Variants in STK24 observed in about 807,000 individuals in gnomAD.
The protein encoded by STK24 is serine/threonine kinase 24, also known as serine/threonine-protein kinase 24.
In STK24, 21 loss-of-function variants were observed where a neutral mutation model predicts 55.6. The ratio of observed to expected loss-of-function variants is 0.38; its 90% CI spans 0.27 to 0.54. The LOEUF is 0.54. STK24 is among the 20% of genes least tolerant of loss of function. STK24 has a pLI of 0.79. For synonymous variants in STK24, 200 were observed against 215.2 expected, an observed-to-expected ratio of 0.93 and a Z score of 0.62; for missense variants, 383 against 538.4, an observed-to-expected ratio of 0.71 and a Z score of 2.86.
At chr13:98,552,157 G>A (rs905078843) in intron 1 of STK24, among the ~76,000 whole-genome samples, 6 of 152,308 alleles carry the variant, frequency 3.9e-5, no homozygotes, top group South Asian at 2.1e-4. Flanking sequence ...AATTAGTCAT[G>A]TATTGATTCT....
chr13:98,516,804 T>C (rs1896080294), intron 2 of STK24, among the ~76,000 whole-genome samples: 1 of 152,314 alleles, frequency 6.6e-6, no homozygotes, highest in Non-Finnish European at 1.5e-5. Context: ...ATTTCTAACA[T>C]GTATGAGTCG....
chr13:98,569,785 G>A (rs1196862497), intron 1 of STK24, among the ~76,000 whole-genome samples: 1 of 151,502 alleles, frequency 6.6e-6, no homozygotes, highest in East Asian at 1.9e-4. Context: ...GAGGAAAAGA[G>A]GCAAGCGGAA....
intron 5 of STK24, among the ~76,000 whole-genome samples, chr13:98,473,740 G>A (rs1332926231): frequency 2.0e-5 from 3 of 152,212 alleles, no homozygotes; most frequent in African/African-American, 2.4e-5. Context: ...CACAGCCACC[G>A]CTACCACTCA....
chr13:98,547,459 G>A (rs1365364683), intron 1 of STK24, among the ~76,000 whole-genome samples: 1 of 152,134 alleles, frequency 6.6e-6, no homozygotes, highest in African/African-American at 2.4e-5. Context: ...GTGGCGTGAG[G>A]ACTGCTTGAG....
At chr13:98,492,768 G>T (rs1226946529) in intron 2 of STK24, among the ~76,000 whole-genome samples, 1 of 152,114 alleles carries the variant, frequency 6.6e-6, no homozygotes, top group East Asian at 1.9e-4. Context: ...AACTCCACTG[G>T]ATTCTCCCAA....
intron 2 of STK24, 90 bp downstream of exon 2, chr13:98,519,153 G>C: frequency 9.7e-7 from 1 of 1,025,766 alleles, no homozygotes; most frequent in Admixed American, 1.9e-5. Context: ...GAAACCTGCT[G>C]TGCTTTGTCC....
At chr13:98,544,279 G>A (rs1896974066) in intron 1 of STK24, among the ~76,000 whole-genome samples, 1 of 152,208 alleles carries the variant, frequency 6.6e-6, no homozygotes, top group Non-Finnish European at 1.5e-5. Flanking sequence ...CTCTGAAACT[G>A]AGGTGGCAGG....
chr13:98,453,142 G>A lies in STK24; in HGVS notation c.*31C>T, dbSNP rs1390674908. 1.2e-6 allele frequency: 2 copies of A among 1,612,866 alleles called. No homozygotes were observed. The highest frequency in any genetic ancestry group is 1.7e-6 in the Non-Finnish European group (2 of 1,179,434). On this transcript the variant is annotated 3_prime_UTR_variant, in exon 11 of 11. Transcript: ENST00000539966. ...GGAGGAGGATGAAGAAGGAAAAAAG[G>A]AAAAACAAAACCCCAAATGCCAAAG...
chr13:98,567,969 A>G (rs1358413514), intron 1 of STK24, among the ~76,000 whole-genome samples: 3 of 149,818 alleles, frequency 2.0e-5, no homozygotes, highest in Non-Finnish European at 4.4e-5. Flanking sequence ...GTAGAGGAAG[A>G]CAACGCTAAA....
intron 2 of STK24, among the ~76,000 whole-genome samples, chr13:98,490,563 T>C (rs893895499): frequency 1.3e-5 from 2 of 152,124 alleles, no homozygotes; most frequent in Admixed American, 1.3e-4. Flanking sequence ...GGGCAGGACA[T>C]ACAATACTAA....
At chr13:98,566,096 C>T (rs796546635) in intron 1 of STK24, among the ~76,000 whole-genome samples, 2 of 152,322 alleles carry the variant, frequency 1.3e-5, no homozygotes, top group African/African-American at 4.8e-5. Context: ...ACCCACACCG[C>T]CAGCTGCCCA....
chr13:98,483,043 G>A (rs1894659667), intron 2 of STK24, among the ~76,000 whole-genome samples: 2 of 152,238 alleles, frequency 1.3e-5, no homozygotes, highest in Admixed American at 6.5e-5. Flanking sequence ...CAGCCCTCAT[G>A]ACTTGCAGAG....
At chr13:98,481,419 A>T in intron 3 of STK24, among the ~76,000 whole-genome samples, 1 of 152,224 alleles carries the variant, frequency 6.6e-6, no homozygotes, top group East Asian at 1.9e-4. Flanking sequence ...GGTGCGGGCC[A>T]GCCCCACCTC....
At chr13:98,515,197 T>A (rs372474497) in intron 2 of STK24, among the ~76,000 whole-genome samples, 5 of 151,726 alleles carry the variant, frequency 3.3e-5, no homozygotes, top group Admixed American at 3.3e-4. Context: ...TACTACACCA[T>A]CCTGTTCTCG....
intron 1 of STK24, among the ~76,000 whole-genome samples, chr13:98,537,110 T>C (rs1487006848): frequency 2.0e-5 from 3 of 151,964 alleles, no homozygotes; most frequent in Non-Finnish European, 4.4e-5. Context: ...GCTCCTTGAG[T>C]CCTCAAGCCA....
intron 10 of STK24, chr13:98,455,269 C>T (rs1893399054): frequency 6.6e-6 from 1 of 152,152 alleles, no homozygotes. Context: ...TTTTTAGAGA[C>T]AGGTTCTCAC....
chr13:98,540,763 C>CAAAAAAA (rs35957882), intron 1 of STK24, among the ~76,000 whole-genome samples: 9 of 58,860 alleles, frequency 1.5e-4, no homozygotes, highest in East Asian at 6.7e-4. Context: ...ATATTAAAAG[C>CAAAAAAA]AAAAAAAAAA....
Position 98,446,130 on chromosome 13 carries a change from C to G in STK24, c.*7043G>C. On this transcript the variant is annotated 3_prime_UTR_variant, in exon 11 of 11. Coordinates refer to ENST00000539966, the MANE Select transcript of STK24 (RefSeq NM_001032296.4). ...TGTCTGGAAACCTGCTGAGGAAATT[C>G]AAAAACAGCAACGGGTGGCAGAAGC... is the stretch of plus-strand genomic sequence containing the variant. 1 of 1,614,008 alleles carries G rather than the reference C, an allele frequency of 6.2e-7. No individual in the cohort carries two copies.
At chr13:98,548,861 C>CAA (rs55793722) in intron 1 of STK24, among the ~76,000 whole-genome samples, 6,144 of 37,422 alleles carry the variant, frequency 0.16, 751 homozygotes, top group Non-Finnish European at 0.22. Flanking sequence ...GACTCTGTCT[C>CAA]AAAAAAAAAA....
Sources: gnomAD v4.1 joint callset for allele counts (sites outside exome capture counted in the v4.1 genomes callset) on GRCh38, gnomAD v4.1.1 for gene constraint, MANE v1.5 for transcripts, NCBI Gene and HGNC (gene_info 2026-07-23, HGNC 2026-07-21) for gene names.